The following FAM163A variants were observed in gnomAD, a reference collection of about 807,000 sequenced individuals.
The protein encoded by FAM163A is family with sequence similarity 163 member A.
FAM163A carries 7 observed loss-of-function variants against 12.0 expected under a neutral mutation model. The ratio of observed to expected loss-of-function variants is 0.58; its 90% CI spans 0.33 to 1.10. The LOEUF (loss-of-function observed/expected upper bound fraction) is 1.10, where lower values mean the gene tolerates loss of function less well. Ranked by LOEUF, FAM163A falls within the 50% of genes least tolerant of loss-of-function variation. FAM163A has a pLI of 0.03. For synonymous variants in FAM163A, 101 were observed against 91.0 expected (o/e 1.11, Z -0.62); for missense variants, 202 against 218.6 (o/e 0.92, Z 0.48).
At chr1:179,757,685 G>T (rs1192957420) in intron 1 of FAM163A, among the ~76,000 whole-genome samples, 1 of 152,172 alleles carries the variant, frequency 6.6e-6, no homozygotes, top group East Asian at 1.9e-4. Flanking sequence ...GGTGGCACAT[G>T]CCTGTAATCC....
intron 1 of FAM163A, among the ~76,000 whole-genome samples, chr1:179,758,679 T>G (rs542192771): frequency 6.6e-6 from 1 of 152,346 alleles, no homozygotes; most frequent in East Asian, 1.9e-4. Flanking sequence ...AGGACTGACT[T>G]TTAGCAGGTA....
At chr1:179,760,887 C>A (rs1321960523) in intron 1 of FAM163A, among the ~76,000 whole-genome samples, 2 of 152,204 alleles carry the variant, frequency 1.3e-5, no homozygotes, top group African/African-American at 4.8e-5. Flanking sequence ...CTCTTCCCAC[C>A]CCACTCCTGG....
the FAM163A span, among the ~76,000 whole-genome samples, chr1:179,737,601 C>T: frequency 3.3e-5 from 5 of 152,036 alleles, no homozygotes; most frequent in African/African-American, 4.8e-5. Flanking sequence ...TTTGGGAGGC[C>T]GAGGCGGGCA....
chr1:179,766,486 A>C (rs968501006), intron 1 of FAM163A, among the ~76,000 whole-genome samples: 23 of 152,252 alleles, frequency 1.5e-4, no homozygotes, highest in African/African-American at 5.3e-4. Flanking sequence ...ACAGCTGCCC[A>C]TACTTTGTTG....
At position 179,814,654 on chromosome 1, in the gene FAM163A, A is replaced by T. The variant is rs1259713331; in HGVS notation, c.*465A>T. 3 of 157,266 alleles carry T rather than the reference A, an allele frequency of 1.9e-5. No individual in the cohort carries two copies. The highest frequency in any genetic ancestry group is 7.2e-5 in the African/African-American group (3 of 41,522). The allele number at this position is 157,266 out of a possible 1,614,324, so 9.7% of individuals were successfully genotyped here. ...GAGAGCTACAATTCCAGCATTGGAG[A>T]AGCGAGGGGCGGGGCGTCAACGGCA... is the stretch of plus-strand genomic sequence containing the variant. On this transcript the variant is annotated 3_prime_UTR_variant, in exon 5 of 5. Transcript: ENST00000341785.
chr1:179,805,213 C>G (rs1693756030), intron 1 of FAM163A, among the ~76,000 whole-genome samples: 1 of 152,164 alleles, frequency 6.6e-6, no homozygotes, highest in Admixed American at 6.5e-5. Context: ...ATACAGTCCA[C>G]TCAGACATTA....
upstream of FAM163A, among the ~76,000 whole-genome samples, chr1:179,741,410 T>C (rs1330951918): frequency 1.3e-5 from 2 of 152,234 alleles, no homozygotes; most frequent in African/African-American, 4.8e-5. Context: ...GCATACCCTA[T>C]AGTCCAGTAA....
rs978414576 is a variant in FAM163A, at chr1:179,759,821, C to G, written c.-136+16398C>G. ...AGCTGGAATTACAGGCACGTGCCAC[C>G]ACACCCAGCTAATTTTTGTATTTTT... On this transcript the variant is annotated intron_variant, in intron 1 of 4. Transcript: ENST00000341785. 5.3e-5 allele frequency among the ~76,000 whole-genome samples: 8 copies of G among 152,118 alleles called. No homozygotes were observed. In the South Asian group the frequency reaches 1.2e-3, roughly 24 times the overall value.
intron 1 of FAM163A, among the ~76,000 whole-genome samples, chr1:179,793,238 G>A (rs1011444220): frequency 5.9e-5 from 9 of 151,958 alleles, no homozygotes; most frequent in Admixed American, 2.0e-4. Context: ...CTCTGGATAC[G>A]GTCCCTTCTC....
At chr1:179,774,218 C>A (rs1688644480) in intron 1 of FAM163A, among the ~76,000 whole-genome samples, 1 of 152,212 alleles carries the variant, frequency 6.6e-6, no homozygotes, top group South Asian at 2.1e-4. Context: ...GGCTTTCCCA[C>A]AACAGCTCTC....
the FAM163A span, among the ~76,000 whole-genome samples, chr1:179,730,669 A>AT: frequency 6.6e-6 from 1 of 152,204 alleles, no homozygotes; most frequent in Non-Finnish European, 1.5e-5. Context: ...GAATCTATAT[A>AT]TTTTTTGTGA....
At chr1:179,778,151 C>CA (rs1212388943) in intron 1 of FAM163A, among the ~76,000 whole-genome samples, 1 of 152,194 alleles carries the variant, frequency 6.6e-6, no homozygotes, top group Non-Finnish European at 1.5e-5. Context: ...TAAGATGTAA[C>CA]AAATCATTTT....
At chr1:179,737,663 G>A in the FAM163A span, among the ~76,000 whole-genome samples, 45 of 152,190 alleles carry the variant, frequency 3.0e-4, no homozygotes, top group Non-Finnish European at 4.4e-4. Flanking sequence ...GTGAAACTCC[G>A]TCTCTACTAA....
At chr1:179,806,782 G>A (rs1012615822) in intron 1 of FAM163A, among the ~76,000 whole-genome samples, 2 of 152,110 alleles carry the variant, frequency 1.3e-5, no homozygotes, top group Admixed American at 1.3e-4. Flanking sequence ...AGACTCTTCC[G>A]AATAATGTTG....
chr1:179,760,280 G>C (rs961865262), intron 1 of FAM163A, among the ~76,000 whole-genome samples: 2 of 152,152 alleles, frequency 1.3e-5, no homozygotes, highest in Non-Finnish European at 2.9e-5. Flanking sequence ...TTATTCAGTA[G>C]CATTTATTGA....
the FAM163A span, among the ~76,000 whole-genome samples, chr1:179,734,908 G>A: frequency 2.6e-5 from 4 of 152,140 alleles, no homozygotes; most frequent in African/African-American, 9.7e-5. Context: ...TGTTTCAATT[G>A]GCCAGGGAGA....
At chr1:179,763,925 GCTT>G (rs1292952692) in intron 1 of FAM163A, among the ~76,000 whole-genome samples, 3 of 152,162 alleles carry the variant, frequency 2.0e-5, no homozygotes, top group African/African-American at 7.2e-5. Flanking sequence ...TCCTTCCACT[GCTT>G]CTTTGCCAGT....
At chr1:179,739,613 C>T (rs1012545444), upstream of FAM163A, among the ~76,000 whole-genome samples, 1 of 152,056 alleles carries the variant, frequency 6.6e-6, no homozygotes, top group Non-Finnish European at 1.5e-5. Context: ...AATTCTTCTT[C>T]TTCCAATGTG....
intron 1 of FAM163A, among the ~76,000 whole-genome samples, chr1:179,775,954 T>G (rs1179761755): frequency 6.6e-6 from 1 of 152,186 alleles, no homozygotes; most frequent in Non-Finnish European, 1.5e-5. Flanking sequence ...CTATTAATTC[T>G]TTGCTATAAA....
Sources: gnomAD v4.1 joint callset for allele counts (sites outside exome capture counted in the v4.1 genomes callset) on GRCh38, gnomAD v4.1.1 for gene constraint, MANE v1.5 for transcripts, NCBI Gene and HGNC (gene_info 2026-07-23, HGNC 2026-07-21) for gene names.